Variants in ACSL3 observed in about 807,000 individuals in gnomAD.
The protein encoded by ACSL3 is acyl-CoA synthetase long chain family member 3.
Under a neutral mutation model 84.7 loss-of-function variants are expected in ACSL3, and 34 were observed. That is an observed-to-expected ratio of 0.40 (90% CI 0.31 to 0.53). ACSL3 has a LOEUF of 0.53. Among genes scored for constraint, ACSL3 ranks in the 20% least tolerant of loss-of-function variants. ACSL3 has a pLI of 0.48. For synonymous variants in ACSL3, 315 were observed against 299.4 expected (o/e 1.05, Z -0.54); for missense variants, 680 against 873.1 (o/e 0.78, Z 2.79).
At chr2:222,884,511 T>G (rs1020064154) in intron 1 of ACSL3, among the ~76,000 whole-genome samples, 17 of 152,176 alleles carry the variant, frequency 1.1e-4, no homozygotes, top group Non-Finnish European at 1.8e-4. Context: ...CCTTGCCTCT[T>G]TCAGTTCTAG....
chr2:222,938,937 C>G (rs1378582282), intron 16 of ACSL3, among the ~76,000 whole-genome samples: 1 of 152,016 alleles, frequency 6.6e-6, no homozygotes, highest in East Asian at 1.9e-4. Context: ...GTATTTGGTT[C>G]CAGAATTTCT....
At chr2:222,908,653 T>C in intron 3 of ACSL3, 80 bp from the exon 4 acceptor site, 1 of 983,344 alleles carries the variant, frequency 1.0e-6, no homozygotes, top group South Asian at 1.7e-5. Context: ...AAAAAAAAAA[T>C]CTTCATTTGC....
At position 222,921,419 on chromosome 2, in the gene ACSL3, T is replaced by G; in HGVS notation, c.945T>G (p.Ile315Met). 6.3e-7 allele frequency: 1 copy of G among 1,588,198 alleles called. No homozygotes were observed. The highest frequency in any genetic ancestry group is 8.6e-7 in the Non-Finnish European group (1 of 1,159,030). Reference sequence around the variant, plus strand: ...GTATAACTGGGATGGCAGAAAGGATTCCAGAACTAGGGTATGTCATAGTAA... The same window carrying G: ...GTATAACTGGGATGGCAGAAAGGATGCCAGAACTAGGGTATGTCATAGTAA... ...IAGITGMAER[I>M]PELGEEDVYI... The change falls in exon 8 of 17, where the codon ATT (isoleucine) becomes ATG (methionine). Residue 315 changes from isoleucine to methionine, a missense_variant. Coordinates refer to ENST00000357430, the MANE Select transcript of ACSL3 (RefSeq NM_004457.5).
intron 16 of ACSL3, among the ~76,000 whole-genome samples, chr2:222,937,500 A>G (rs952112464): frequency 6.6e-6 from 1 of 151,826 alleles, no homozygotes; most frequent in Non-Finnish European, 1.5e-5. Context: ...TTACGCGTAT[A>G]TTTGTAATTG....
intron 1 of ACSL3, among the ~76,000 whole-genome samples, chr2:222,886,018 C>T (rs1695713805): frequency 6.6e-6 from 1 of 152,172 alleles, no homozygotes; most frequent in South Asian, 2.1e-4. Context: ...GTTGGGATTA[C>T]AGGCGTGAGC....
At chr2:222,887,095 C>T (rs1695743097) in intron 1 of ACSL3, among the ~76,000 whole-genome samples, 2 of 152,236 alleles carry the variant, frequency 1.3e-5, no homozygotes, top group South Asian at 4.1e-4. Context: ...CCTCTGTGCT[C>T]TAACCTCTGG....
At chr2:222,898,469 T>G (rs1483216486) in intron 2 of ACSL3, among the ~76,000 whole-genome samples, 1 of 152,196 alleles carries the variant, frequency 6.6e-6, no homozygotes, top group Non-Finnish European at 1.5e-5. Context: ...TTTTAGGTAT[T>G]GGGGCAGTAA....
Position 222,918,232 on chromosome 2 carries a change from G to C in ACSL3, c.666+77G>C, listed in dbSNP as rs537248724. The C allele has an allele frequency of 3.0e-4, 247 of 836,994 alleles. 1 individual carries two copies. The African/African-American group carries it at 3.8e-3, about 13-fold the overall frequency. 51.8% of individuals were successfully genotyped at this position (836,994 alleles called of 1,614,324 possible). On this transcript the variant is annotated intron_variant, in intron 6 of 16. Coordinates refer to ENST00000357430, the MANE Select transcript of ACSL3 (RefSeq NM_004457.5). ...TCATGAGCCCTATTATTGATACTTA[G>C]TTCTTTTATGACTTTTAAGTCCTTA...
intron 10 of ACSL3, among the ~76,000 whole-genome samples, chr2:222,924,007 G>A (rs1451499885): frequency 3.9e-5 from 6 of 152,122 alleles, no homozygotes; most frequent in African/African-American, 1.2e-4. Context: ...ACTCCCAAAC[G>A]TTGCATGGTC....
rs752018930 is a variant in ACSL3 at position 222,909,140 on chromosome 2, T to C, written c.368T>C (p.Ile123Thr). Residue 123 changes from isoleucine (I) to threonine (T), a missense_variant, in exon 4 of 17, where the codon ATT becomes ACT. By Grantham distance (89) the Ile-to-Thr change is moderately conservative. This residue lies in a region of ACSL3 where 333 missense variants were observed against 347.5 expected (regional missense o/e 0.96). Transcript: ENST00000357430. ...EEDEVQPNGK[I>T]FKKVILGQYN... ...GATGAAGTACAACCAAATGGAAAAA[T>C]TTTTAAAAAGGTAAGATGATCTTTC... 4 of 1,593,402 alleles carry C rather than the reference T, an allele frequency of 2.5e-6. No homozygotes were observed. In the African/African-American group the frequency reaches 4.1e-5, roughly 16 times the overall value.
At chr2:222,893,669 C>T (rs529716241) in intron 2 of ACSL3, among the ~76,000 whole-genome samples, 1 of 152,168 alleles carries the variant, frequency 6.6e-6, no homozygotes, top group East Asian at 1.9e-4. Flanking sequence ...TTTCTTCCTT[C>T]TCTTTTCTTT....
chr2:222,875,005 G>T (rs185633576), intron 1 of ACSL3, among the ~76,000 whole-genome samples: 2 of 151,950 alleles, frequency 1.3e-5, no homozygotes, highest in African/African-American at 4.8e-5. Flanking sequence ...CTTCATTTAT[G>T]TGAAAATTTG....
Position 222,941,664 on chromosome 2 carries a change from T to G in ACSL3, c.*10T>G. On this transcript the variant is annotated 3_prime_UTR_variant, in exon 17 of 17. Coordinates refer to ENST00000357430, the MANE Select transcript of ACSL3 (RefSeq NM_004457.5). ...GTATGGAAGAAAATAATTATTCTCT[T>G]CTGGCATCAGTTTGCTACAGTGAGC... 5 of 1,608,742 alleles carry G rather than the reference T, an allele frequency of 3.1e-6. No homozygotes were observed. Among genetic ancestry groups the G allele is most frequent in the Non-Finnish European group, 4.2e-6 (5 of 1,178,060 alleles).
Position 222,934,611 on chromosome 2 carries a change from G to T in ACSL3, c.1929G>T (p.Gly643=), listed in dbSNP as rs774231982. The change falls in exon 16 of 17, where the codon GGG becomes GGT. Residue 643 remains glycine, a synonymous_variant. Transcript: ENST00000357430. The stretch of plus-strand genomic sequence containing the variant: ...TAGCTCGAAAGAAAGGACTTAAAGG[G>T]ACTTGGGAGGAGCTGTGTAACAGTT... ...TELARKKGLK[G]TWEELCNSCE... 6.2e-7 allele frequency: 1 copy of T among 1,608,240 alleles called. No homozygotes were observed. The highest frequency in any genetic ancestry group is 1.1e-5 in the South Asian group (1 of 88,378).
intron 8 of ACSL3, among the ~76,000 whole-genome samples, chr2:222,922,001 G>C (rs1049023328): frequency 6.6e-6 from 1 of 151,966 alleles, no homozygotes; most frequent in Non-Finnish European, 1.5e-5. Flanking sequence ...AAACATACAC[G>C]CACACACACA....
At chr2:222,925,041 A>T (rs1267716052) in intron 11 of ACSL3, among the ~76,000 whole-genome samples, 1 of 151,940 alleles carries the variant, frequency 6.6e-6, no homozygotes. Flanking sequence ...AAAAAAAAAA[A>T]AAAAATCCAT....
intron 16 of ACSL3, among the ~76,000 whole-genome samples, chr2:222,934,996 T>C (rs1348594550): frequency 6.6e-6 from 1 of 152,134 alleles, no homozygotes; most frequent in Non-Finnish European, 1.5e-5. Context: ...CACTAGCCCA[T>C]AGTGATCAGG....
chr2:222,901,084 C>A (rs562626561), intron 3 of ACSL3, among the ~76,000 whole-genome samples: 1 of 152,224 alleles, frequency 6.6e-6, no homozygotes, highest in Non-Finnish European at 1.5e-5. Flanking sequence ...CACTTGTCCT[C>A]AGCCTTTTAA....
intron 1 of ACSL3, among the ~76,000 whole-genome samples, chr2:222,885,583 G>T (rs1452123222): frequency 3.3e-5 from 5 of 152,050 alleles, no homozygotes; most frequent in Non-Finnish European, 5.9e-5. Flanking sequence ...ATATAGCACT[G>T]TTCTCTTTTA....
Sources: allele counts gnomAD v4.1 joint callset (sites outside exome capture counted in the v4.1 genomes callset), GRCh38; gene constraint gnomAD v4.1.1; regional missense constraint gnomAD v4.1.1; transcripts MANE v1.5; gene names NCBI Gene and HGNC (gene_info 2026-07-23, HGNC 2026-07-21).